The following RSU1 variants were observed in gnomAD, a reference collection of about 807,000 sequenced individuals.
The protein encoded by RSU1 is Ras suppressor protein 1.
RSU1 carries 26 observed loss-of-function variants against 31.1 expected under a neutral mutation model. The ratio of observed to expected loss-of-function variants is 0.84; its 90% CI spans 0.61 to 1.16. RSU1 has a LOEUF of 1.16. Ranked by LOEUF, RSU1 falls within the 50% of genes most tolerant of loss-of-function variation. RSU1 has a pLI of 0.00. For synonymous variants in RSU1, 164 were observed against 136.3 expected (o/e 1.20, Z -1.41); for missense variants, 320 against 339.1 (o/e 0.94, Z 0.44).
intron 8 of RSU1, among the ~76,000 whole-genome samples, chr10:16,676,741 T>G (rs1259533964): frequency 6.6e-6 from 1 of 152,182 alleles, no homozygotes; most frequent in Non-Finnish European, 1.5e-5. Flanking sequence ...AGATTTGGGA[T>G]TTTTGGATTA....
At chr10:16,650,910 GAGAA>G (rs1439755655) in intron 8 of RSU1, among the ~76,000 whole-genome samples, 1 of 152,108 alleles carries the variant, frequency 6.6e-6, no homozygotes, top group Non-Finnish European at 1.5e-5. Context: ...TATCCAAAAA[GAGAA>G]AGCAGGAGTT....
At chr10:16,731,715 GTTTTAA>G (rs1836515401) in intron 7 of RSU1, among the ~76,000 whole-genome samples, 1 of 151,706 alleles carries the variant, frequency 6.6e-6, no homozygotes, top group Non-Finnish European at 1.5e-5. Context: ...ATAGTAACTT[GTTTTAA>G]TCTGCATTTC....
chr10:16,722,868 G>GTATATACACACACATATACATATATGTA (rs1836299174), intron 7 of RSU1, among the ~76,000 whole-genome samples: 2 of 130,900 alleles, frequency 1.5e-5, no homozygotes, highest in Non-Finnish European at 3.4e-5. Flanking sequence ...ATACATATAT[G>GTATATACACACACATATACATATATGTA]TATATATACA....
chr10:16,774,336 G>A (rs1240011756), intron 3 of RSU1, among the ~76,000 whole-genome samples: 1 of 152,062 alleles, frequency 6.6e-6, no homozygotes, highest in Non-Finnish European at 1.5e-5. Context: ...GCATCACTAG[G>A]CCGAGGCAAG....
At chr10:16,638,027 C>T (rs3900652) in intron 8 of RSU1, among the ~76,000 whole-genome samples, 2,038 of 152,206 alleles carry the variant, frequency 0.013, 36 homozygotes, top group African/African-American at 0.046. Context: ...TTGTAAATCA[C>T]CTGAACATAC....
chr10:16,672,824 A>G (rs1276791266), intron 8 of RSU1, among the ~76,000 whole-genome samples: 2 of 152,234 alleles, frequency 1.3e-5, no homozygotes, highest in East Asian at 3.8e-4. Flanking sequence ...ATTGTTTTAC[A>G]GATGTATATA....
chr10:16,749,687 G>GC (rs573187071), intron 7 of RSU1, among the ~76,000 whole-genome samples: 106 of 152,250 alleles, frequency 7.0e-4, no homozygotes, highest in African/African-American at 2.4e-3. Context: ...CGGGGACAAC[G>GC]CAACTGGCTT....
chr10:16,747,038 T>C (rs981772111), intron 7 of RSU1, among the ~76,000 whole-genome samples: 3 of 152,098 alleles, frequency 2.0e-5, no homozygotes, highest in Non-Finnish European at 4.4e-5. Context: ...AGAGAACCCC[T>C]TTTTCCTATG....
intron 3 of RSU1, among the ~76,000 whole-genome samples, chr10:16,775,211 T>A (rs888609913): frequency 3.4e-5 from 5 of 148,540 alleles, no homozygotes; most frequent in African/African-American, 1.3e-4. Context: ...GTATAATATT[T>A]TGCTATTAAA....
intron 8 of RSU1, among the ~76,000 whole-genome samples, chr10:16,674,228 A>G (rs1027263585): frequency 6.6e-6 from 1 of 152,148 alleles, no homozygotes; most frequent in Non-Finnish European, 1.5e-5. Context: ...GCCTAGCTAA[A>G]AAGAGCGACT....
intron 8 of RSU1, among the ~76,000 whole-genome samples, chr10:16,628,059 T>G (rs75958858): frequency 0.013 from 2,005 of 152,196 alleles, 41 homozygotes; most frequent in African/African-American, 0.045. Flanking sequence ...GGAGAGAGAT[T>G]TTTCCAAATA....
At chr10:16,702,451 G>T (rs1358719606) in intron 7 of RSU1, among the ~76,000 whole-genome samples, 1 of 152,332 alleles carries the variant, frequency 6.6e-6, no homozygotes, top group East Asian at 1.9e-4. Context: ...GCTAAACACT[G>T]CAAGGCCACA....
chr10:16,663,238 A>G (rs894350399), intron 8 of RSU1, among the ~76,000 whole-genome samples: 1 of 152,108 alleles, frequency 6.6e-6, no homozygotes, highest in Admixed American at 6.5e-5. Flanking sequence ...GTTCTAAACA[A>G]AGGGCCCTAC....
chr10:16,693,977 T>C (rs913000331), intron 8 of RSU1, among the ~76,000 whole-genome samples: 2 of 152,230 alleles, frequency 1.3e-5, no homozygotes, highest in South Asian at 4.1e-4. Context: ...CTTAAAATTA[T>C]ACTAGATCTC....
At chr10:16,795,465 A>G (rs1838011771) in intron 2 of RSU1, among the ~76,000 whole-genome samples, 1 of 152,176 alleles carries the variant, frequency 6.6e-6, no homozygotes, top group Admixed American at 6.5e-5. Context: ...AACTTTATCA[A>G]TTCACCTATT....
intron 8 of RSU1, among the ~76,000 whole-genome samples, chr10:16,655,944 C>T (rs565404294): frequency 6.6e-5 from 10 of 152,022 alleles, no homozygotes; most frequent in Non-Finnish European, 1.5e-4. Flanking sequence ...TTGAGGCCTG[C>T]CTGTAATTAT....
chr10:16,706,630 G>C (rs572396922), intron 7 of RSU1, among the ~76,000 whole-genome samples: 2 of 151,812 alleles, frequency 1.3e-5, no homozygotes, highest in Non-Finnish European at 2.9e-5. Context: ...ATACTTATGG[G>C]GGTACAATTT....
intron 8 of RSU1, among the ~76,000 whole-genome samples, chr10:16,691,993 G>A (rs1275411118): frequency 6.6e-6 from 1 of 151,936 alleles, no homozygotes; most frequent in African/African-American, 2.4e-5. Context: ...CCCTCCTCAT[G>A]GTGAATCACC....
chr10:16,723,669 G>A (rs1836326962), intron 7 of RSU1, among the ~76,000 whole-genome samples: 1 of 152,152 alleles, frequency 6.6e-6, no homozygotes, highest in South Asian at 2.1e-4. Context: ...CCTCCAAGAA[G>A]AATGGGAAGC....
Sources: allele counts gnomAD v4.1 joint callset (sites outside exome capture counted in the v4.1 genomes callset), GRCh38; gene constraint gnomAD v4.1.1; transcripts MANE v1.5; gene names NCBI Gene and HGNC (gene_info 2026-07-23, HGNC 2026-07-21).